The following DLG2 variants were observed in gnomAD, a reference collection of about 807,000 sequenced individuals.
DLG2 encodes the protein disks large homolog 2.
A neutral mutation model predicts 132.5 loss-of-function variants in DLG2; 45 were observed. The ratio of observed to expected loss-of-function variants is 0.34; its 90% CI spans 0.27 to 0.44. The LOEUF (loss-of-function observed/expected upper bound fraction) is 0.44. Ranked by LOEUF, DLG2 falls within the 20% of genes least tolerant of loss-of-function variation. The probability of loss-of-function intolerance (pLI) is 1.00; values close to 1 mark genes in which losing one functional copy is unlikely to be tolerated. For missense variants in DLG2, 1,045 were observed against 1,196.9 expected (o/e 0.87, Z 1.87); for synonymous variants, 424 against 419.6 (o/e 1.01, Z -0.13).
chr11:84,540,049 A>C (rs1003910339), intron 6 of DLG2, among the ~76,000 whole-genome samples: 23 of 152,230 alleles, frequency 1.5e-4, no homozygotes, highest in African/African-American at 5.5e-4. Context: ...TTCAAGATGG[A>C]TTAAAGACTT....
intron 6 of DLG2, among the ~76,000 whole-genome samples, chr11:84,663,210 G>C (rs1448830159): frequency 2.0e-5 from 3 of 149,434 alleles, no homozygotes; most frequent in African/African-American, 7.4e-5. Flanking sequence ...ATGCTTATTT[G>C]TAATTATGCC....
rs554082737 is a variant in DLG2, at chr11:85,442,380, A to G, written c.40+156277T>C. Among the ~76,000 whole-genome samples the G allele has an allele frequency of 2.2e-4, 34 of 152,324 alleles. No individual in the cohort carries two copies. The East Asian group carries it at 6.2e-3, about 28-fold the overall frequency. ...TAGCAGTGGCATATACAAGAAGTAT[A>G]AATATGGTCAAGTTATATTTAGAGT... On this transcript the variant is annotated intron_variant, in intron 3 of 27. Transcript: ENST00000376104.
At chr11:83,572,612 C>G (rs188856024) in intron 19 of DLG2, among the ~76,000 whole-genome samples, 59 of 152,272 alleles carry the variant, frequency 3.9e-4, no homozygotes, top group Non-Finnish European at 6.5e-4. Flanking sequence ...GATTTAAGGC[C>G]ATCCAAAATC....
intron 4 of DLG2, among the ~76,000 whole-genome samples, chr11:85,249,883 G>A (rs1462421605): frequency 1.3e-5 from 2 of 152,012 alleles, no homozygotes; most frequent in Admixed American, 1.3e-4. Context: ...CTTTTATTTC[G>A]GGAAGAATGC....
intron 6 of DLG2, among the ~76,000 whole-genome samples, chr11:84,916,500 G>A (rs1381113663): frequency 6.6e-6 from 1 of 150,702 alleles, no homozygotes; most frequent in Non-Finnish European, 1.5e-5. Flanking sequence ...AAAAAGACAA[G>A]AAGATAGATA....
intron 6 of DLG2, among the ~76,000 whole-genome samples, chr11:85,017,353 C>T (rs1177170146): frequency 3.9e-5 from 3 of 76,050 alleles, no homozygotes; most frequent in Admixed American, 1.2e-4. Context: ...TTCTCTTTCT[C>T]CACTTTTTTT....
chr11:84,531,796 A>G (rs1274759336), intron 7 of DLG2, among the ~76,000 whole-genome samples: 3 of 152,254 alleles, frequency 2.0e-5, no homozygotes, highest in African/African-American at 7.2e-5. Flanking sequence ...GAAATTAGTT[A>G]GAAGTGACAT....
At chr11:85,218,706 C>T (rs146942013) in intron 4 of DLG2, among the ~76,000 whole-genome samples, 23 of 152,188 alleles carry the variant, frequency 1.5e-4, no homozygotes, top group African/African-American at 4.8e-4. Context: ...CTAGTAATCC[C>T]ATTACTAGGT....
intron 7 of DLG2, among the ~76,000 whole-genome samples, chr11:84,266,550 A>G (rs933244577): frequency 3.3e-5 from 5 of 152,234 alleles, no homozygotes; most frequent in Admixed American, 2.0e-4. Context: ...GTTAAGAGGA[A>G]GGAAACAGGG....
chr11:85,022,830 C>T (rs994685854), intron 6 of DLG2, among the ~76,000 whole-genome samples: 1 of 152,040 alleles, frequency 6.6e-6, no homozygotes, highest in Non-Finnish European at 1.5e-5. Flanking sequence ...GCAATGCATA[C>T]CATTTACCTT....
chr11:84,649,068 T>C (rs1014692347), intron 6 of DLG2, among the ~76,000 whole-genome samples: 1 of 152,208 alleles, frequency 6.6e-6, no homozygotes, highest in Non-Finnish European at 1.5e-5. Context: ...TCTCCTCCAA[T>C]GATTCAGGTA....
rs999337986 is a variant in DLG2 at position 85,420,984 on chromosome 11, T to C, written c.41-135619A>G. Among the ~76,000 whole-genome samples the C allele has an allele frequency of 4.9e-4, 75 of 151,908 alleles. 1 individual carries two copies. The highest frequency in any genetic ancestry group is 1.6e-3 in the African/African-American group (67 of 41,422). ...GGCATTCCAGGTGCCATTGGGGTATTAAAAAAATAAAAATAAAGATAAAAT... is the reference window on the plus strand; with the variant it reads ...GGCATTCCAGGTGCCATTGGGGTATCAAAAAAATAAAAATAAAGATAAAAT... On this transcript the variant is annotated intron_variant, in intron 3 of 27. Transcript: ENST00000376104.
chr11:83,926,602 T>C (rs2079018869), intron 15 of DLG2, among the ~76,000 whole-genome samples: 1 of 152,110 alleles, frequency 6.6e-6, no homozygotes, highest in East Asian at 1.9e-4. Flanking sequence ...TATATTTTTA[T>C]AATATCTTTT....
chr11:84,190,926 A>G (rs2096395122), intron 8 of DLG2, among the ~76,000 whole-genome samples: 1 of 152,270 alleles, frequency 6.6e-6, no homozygotes, highest in Non-Finnish European at 1.5e-5. Context: ...AATGCTGGTC[A>G]ATTAGTATTG....
At chr11:83,609,825 AT>A (rs1566040266) in intron 19 of DLG2, among the ~76,000 whole-genome samples, 1 of 152,204 alleles carries the variant, frequency 6.6e-6, no homozygotes, top group Non-Finnish European at 1.5e-5. Flanking sequence ...TTTCTTATTA[AT>A]TCAGAATTAT....
intron 7 of DLG2, among the ~76,000 whole-genome samples, chr11:84,329,385 T>C (rs1301186576): frequency 1.3e-5 from 2 of 152,086 alleles, no homozygotes; most frequent in Admixed American, 1.3e-4. Context: ...TGGTGGGGGG[T>C]AACTGAATCA....
At chr11:85,425,857 G>T (rs1449227367) in intron 3 of DLG2, among the ~76,000 whole-genome samples, 1 of 152,192 alleles carries the variant, frequency 6.6e-6, no homozygotes, top group Non-Finnish European at 1.5e-5. Context: ...CACCCAGGAA[G>T]CGCAAGGGGT....
rs554763381 is a variant in DLG2 at position 85,183,447 on chromosome 11, A to G, written c.187-28796T>C. Among the ~76,000 whole-genome samples, 3 of 152,022 alleles carry G rather than the reference A, an allele frequency of 2.0e-5. No individual in the cohort carries two copies. The South Asian group carries it at 6.2e-4, about 32-fold the overall frequency. On this transcript the variant is annotated intron_variant, in intron 4 of 27. Coordinates refer to ENST00000376104, the MANE Select transcript of DLG2 (RefSeq NM_001142699.3). ...ATATGTTTTTATTACTTTGCTACAC[A>G]TGAATGGCAAACTGAGGCTAAGAAA...
chr11:84,607,963 C>G (rs1426609207), intron 6 of DLG2, among the ~76,000 whole-genome samples: 2 of 152,142 alleles, frequency 1.3e-5, no homozygotes, highest in African/African-American at 4.8e-5. Flanking sequence ...CTCTGAACAG[C>G]TTTTCTTTGG....
Sources: allele counts gnomAD v4.1 joint callset (sites outside exome capture counted in the v4.1 genomes callset), GRCh38; gene constraint gnomAD v4.1.1; transcripts MANE v1.5; gene names NCBI Gene and HGNC (gene_info 2026-07-23, HGNC 2026-07-21).